The following ASTN2 variants were observed in gnomAD, a reference collection of about 807,000 sequenced individuals.
ASTN2 encodes the protein astrotactin-2.
Under a neutral mutation model 139.8 loss-of-function variants are expected in ASTN2, and 54 were observed. The ratio of observed to expected loss-of-function variants is 0.39; its 90% CI spans 0.31 to 0.48. The LOEUF (loss-of-function observed/expected upper bound fraction) is 0.48, where lower values mean the gene tolerates loss of function less well. Ranked by LOEUF, ASTN2 falls within the 20% of genes least tolerant of loss-of-function variation. The pLI is 0.95. For synonymous variants in ASTN2, 756 were observed against 719.5 expected (o/e 1.05, Z -0.81); for missense variants, 1,565 against 1,725.1 (o/e 0.91, Z 1.64).
intron 10 of ASTN2, among the ~76,000 whole-genome samples, chr9:116,868,405 C>T (rs1368434322): frequency 1.3e-5 from 2 of 152,082 alleles, no homozygotes; most frequent in African/African-American, 2.4e-5. Context: ...AACAACTTAC[C>T]CTGTGTCTTG....
chr9:116,731,330 G>A (rs1040236873), intron 14 of ASTN2, among the ~76,000 whole-genome samples: 4 of 151,978 alleles, frequency 2.6e-5, no homozygotes, highest in Non-Finnish European at 4.4e-5. Context: ...TACCCATAGT[G>A]TGCCAAGCAT....
At chr9:117,085,335 T>G (rs1392649337) in intron 5 of ASTN2, among the ~76,000 whole-genome samples, 1 of 152,184 alleles carries the variant, frequency 6.6e-6, no homozygotes, top group Non-Finnish European at 1.5e-5. Flanking sequence ...AACAATGGGC[T>G]CTCCCAGCAA....
At chr9:117,256,946 T>C (rs1208096535) in intron 2 of ASTN2, among the ~76,000 whole-genome samples, 1 of 151,920 alleles carries the variant, frequency 6.6e-6, no homozygotes, top group Non-Finnish European at 1.5e-5. Flanking sequence ...TGGAATAAAA[T>C]TTGATCCAAA....
chr9:116,508,079 C>G (rs1453949799), intron 19 of ASTN2, among the ~76,000 whole-genome samples: 2 of 151,970 alleles, frequency 1.3e-5, no homozygotes. Flanking sequence ...TTAGTAGAGA[C>G]GGGGTTTCTC....
In ASTN2 at chr9:116,863,716, G is replaced by A. The variant is rs767273298; in HGVS notation, c.1907C>T (p.Ser636Phe). 190 of 1,613,536 alleles carry A rather than the reference G, an allele frequency of 1.2e-4. No homozygotes were observed. Among genetic ancestry groups the A allele is most frequent in the Non-Finnish European group, 1.6e-4 (188 of 1,179,750 alleles). The change falls in exon 11 of 23, where the codon TCC becomes TTC. Residue 636 changes from serine to phenylalanine, a missense_variant. This residue lies in a region of ASTN2 where 503 missense variants were observed against 591.7 expected (regional missense o/e 0.85). Coordinates refer to ENST00000313400, the MANE Select transcript of ASTN2 (RefSeq NM_001365068.1). Reference protein sequence around the residue: ...PADVREEAMLSTYFETINDLL... With the variant: ...PADVREEAMLFTYFETINDLL... ...GTCATTGATGGTTTCAAAGTATGTGGACAGCATCGCTTCTTCCCTTGGAGA... is the reference window on the plus strand; with the variant it reads ...GTCATTGATGGTTTCAAAGTATGTGAACAGCATCGCTTCTTCCCTTGGAGA...
At chr9:117,023,308 C>T (rs142784589) in intron 6 of ASTN2, among the ~76,000 whole-genome samples, 4 of 152,254 alleles carry the variant, frequency 2.6e-5, no homozygotes, top group Non-Finnish European at 5.9e-5. Flanking sequence ...CTGCCCCAAC[C>T]ACATTGACCT....
At chr9:116,670,586 T>C (rs1859138179) in intron 16 of ASTN2, among the ~76,000 whole-genome samples, 1 of 152,200 alleles carries the variant, frequency 6.6e-6, no homozygotes, top group African/African-American at 2.4e-5. Flanking sequence ...AGACTGTCTC[T>C]TTGTCTGTGG....
At chr9:116,868,087 G>T (rs534149743) in intron 10 of ASTN2, among the ~76,000 whole-genome samples, 2 of 152,158 alleles carry the variant, frequency 1.3e-5, no homozygotes, top group African/African-American at 4.8e-5. Flanking sequence ...ACTGCCCTGG[G>T]GTATCAGGAT....
At chr9:117,302,920 C>A (rs1834911044) in intron 1 of ASTN2, among the ~76,000 whole-genome samples, 1 of 152,206 alleles carries the variant, frequency 6.6e-6, no homozygotes, top group South Asian at 2.1e-4. Flanking sequence ...TCATGGTCCA[C>A]TAGCCCCAAG....
At chr9:117,282,974 C>G (rs1834360521) in intron 2 of ASTN2, among the ~76,000 whole-genome samples, 1 of 145,490 alleles carries the variant, frequency 6.9e-6, no homozygotes, top group South Asian at 2.2e-4. Context: ...ATATTTCATA[C>G]TTCTACTGTT....
intron 4 of ASTN2, among the ~76,000 whole-genome samples, chr9:117,110,819 G>A (rs1011795919): frequency 8.5e-5 from 13 of 152,238 alleles, no homozygotes; most frequent in Non-Finnish European, 1.6e-4. Flanking sequence ...AGCAGCAGGA[G>A]TAAGTTTGCC....
At chr9:116,927,404 T>C (rs999620857) in intron 10 of ASTN2, among the ~76,000 whole-genome samples, 4 of 152,216 alleles carry the variant, frequency 2.6e-5, no homozygotes, top group Non-Finnish European at 5.9e-5. Flanking sequence ...TTTTCATATA[T>C]TTATCATTAC....
chr9:117,414,312 C>T lies in ASTN2; in HGVS notation c.442+185G>A, dbSNP rs1266759086. 6.6e-6 allele frequency among the ~76,000 whole-genome samples: 1 copy of T among 152,160 alleles called. No individual in the cohort carries two copies. Among genetic ancestry groups the T allele is most frequent in the African/African-American group, 2.4e-5 (1 of 41,450 alleles). ...CCCCCAGGCTCCCGCCGCGCGCTCT[C>T]CAGGACCTCCTCCCACATGCTCGTT... is the stretch of plus-strand genomic sequence containing the variant. On this transcript the variant is annotated intron_variant, in intron 1 of 22. Coordinates refer to ENST00000313400, the MANE Select transcript of ASTN2 (RefSeq NM_001365068.1). This position sits in a 1 kb window ranked among gnomAD's most constrained non-coding sequence, Gnocchi z 4.2.
At chr9:117,239,050 C>G (rs1833130813) in intron 2 of ASTN2, among the ~76,000 whole-genome samples, 1 of 152,168 alleles carries the variant, frequency 6.6e-6, no homozygotes, top group African/African-American at 2.4e-5. Context: ...TGTAAAAACT[C>G]AGGCCCAGAG....
chr9:116,693,214 A>G (rs981510443), intron 16 of ASTN2, among the ~76,000 whole-genome samples: 5 of 152,204 alleles, frequency 3.3e-5, no homozygotes, highest in African/African-American at 1.2e-4. Context: ...TGCATTTTCC[A>G]TAGTCATTAC....
At chr9:116,821,749 C>T (rs772833453) in intron 11 of ASTN2, among the ~76,000 whole-genome samples, 2 of 152,150 alleles carry the variant, frequency 1.3e-5, no homozygotes, top group Non-Finnish European at 2.9e-5. Context: ...CCTAAGTAAA[C>T]TCCAAGGAGT....
At chr9:117,023,027 T>TGAGA (rs879338664) in intron 6 of ASTN2, among the ~76,000 whole-genome samples, 5 of 148,960 alleles carry the variant, frequency 3.4e-5, no homozygotes, top group Non-Finnish European at 7.4e-5. Context: ...AGACAATAAA[T>TGAGA]GAGAGGGGTG....
intron 10 of ASTN2, among the ~76,000 whole-genome samples, chr9:116,913,337 T>C (rs1354206393): frequency 6.6e-6 from 1 of 152,244 alleles, no homozygotes; most frequent in African/African-American, 2.4e-5. Flanking sequence ...AGGCTGCTTT[T>C]TCTAATCTCT....
chr9:117,013,705 G>GA (rs1837597479), intron 6 of ASTN2, among the ~76,000 whole-genome samples: 1 of 151,938 alleles, frequency 6.6e-6, no homozygotes, highest in South Asian at 2.1e-4. Flanking sequence ...GTGAGCTGGG[G>GA]AGCTCAGGCC....
Sources: gnomAD v4.1 joint callset for allele counts (sites outside exome capture counted in the v4.1 genomes callset) on GRCh38, gnomAD v4.1.1 for gene constraint, gnomAD v4.1.1 regional missense constraint, Gnocchi (gnomAD v3.1) non-coding constraint, MANE v1.5 for transcripts, NCBI Gene and HGNC (gene_info 2026-07-23, HGNC 2026-07-21) for gene names.